CRACDL: variants seen among roughly 807,000 people sequenced by gnomAD.
CRACDL encodes the protein CRACD like.
In CRACDL, 26 loss-of-function variants were observed where a neutral mutation model predicts 70.6. The observed-to-expected ratio is 0.37, with a 90% CI of 0.27 to 0.51. The LOEUF (loss-of-function observed/expected upper bound fraction) is 0.51. CRACDL is among the 20% of genes least tolerant of loss of function. The pLI is 0.94. For missense variants in CRACDL, 1,283 were observed against 1,376.9 expected, an observed-to-expected ratio of 0.93 and a Z score of 1.08; for synonymous variants, 618 against 615.2, an observed-to-expected ratio of 1.00 and a Z score of -0.07.
chr2:98,805,018 A>AT (rs1224249275), intron 7 of CRACDL, among the ~76,000 whole-genome samples: 8 of 152,082 alleles, frequency 5.3e-5, no homozygotes, highest in African/African-American at 9.7e-5. Flanking sequence ...GACAGGAATG[A>AT]TTTTTTTGAA....
intron 7 of CRACDL, among the ~76,000 whole-genome samples, chr2:98,820,103 C>A (rs1412093768): frequency 6.6e-6 from 1 of 151,634 alleles, no homozygotes; most frequent in Non-Finnish European, 1.5e-5. Context: ...CAAGTGTGAG[C>A]CACCACGCCG....
chr2:98,910,589 T>A (rs956979652), intron 1 of CRACDL, among the ~76,000 whole-genome samples: 10 of 152,276 alleles, frequency 6.6e-5, no homozygotes, highest in African/African-American at 1.4e-4. Flanking sequence ...TCCCAGCCAC[T>A]GTTTTGAGGA....
At chr2:98,901,044 C>T (rs767723753) in intron 1 of CRACDL, among the ~76,000 whole-genome samples, 8 of 152,168 alleles carry the variant, frequency 5.3e-5, no homozygotes, top group Non-Finnish European at 1.0e-4. Context: ...ATGGGGTTGG[C>T]GCACAGGGTC....
intron 3 of CRACDL, among the ~76,000 whole-genome samples, chr2:98,834,033 T>C (rs1045192220): frequency 2.0e-5 from 3 of 152,194 alleles, no homozygotes; most frequent in Admixed American, 6.5e-5. Context: ...GATGTGTGTG[T>C]CCTCACATGC....
rs541092360 is a variant in CRACDL at position 98,921,440 on chromosome 2, C to G, written c.-11+14498G>C. 3.3e-5 allele frequency among the ~76,000 whole-genome samples: 5 copies of G among 152,338 alleles called. No individual in the cohort carries two copies. In the East Asian group the frequency reaches 9.6e-4, roughly 29 times the overall value. On this transcript the variant is annotated intron_variant, in intron 1 of 9. Coordinates refer to ENST00000397899, the MANE Select transcript of CRACDL (RefSeq NM_207362.3). Reference sequence around the variant, plus strand: ...AGTGCCCAGAGGCAGGCCTTGGGCTCGGAAGGCTCTTGACATGTATTATGG... The same window carrying G: ...AGTGCCCAGAGGCAGGCCTTGGGCTGGGAAGGCTCTTGACATGTATTATGG...
At chr2:98,858,793 A>C (rs1706816040) in intron 1 of CRACDL, among the ~76,000 whole-genome samples, 1 of 152,146 alleles carries the variant, frequency 6.6e-6, no homozygotes, top group Admixed American at 6.5e-5. Flanking sequence ...TAAAACCAAT[A>C]ATAAGAAGGC....
chr2:98,889,285 G>GAGAAAAAGAA (rs1707891268), intron 1 of CRACDL, among the ~76,000 whole-genome samples: 1 of 140,968 alleles, frequency 7.1e-6, no homozygotes, highest in East Asian at 2.2e-4. Context: ...GAAAAAGAGA[G>GAGAAAAAGAA]AGAAAGAAAG....
chr2:98,829,212 G>T (rs150982273), intron 5 of CRACDL, among the ~76,000 whole-genome samples: 1 of 152,226 alleles, frequency 6.6e-6, no homozygotes, highest in East Asian at 1.9e-4. Flanking sequence ...CCTGTGGGCC[G>T]CCCTGCGTCT....
At chr2:98,813,707 C>A (rs1156860345) in intron 7 of CRACDL, among the ~76,000 whole-genome samples, 1 of 152,042 alleles carries the variant, frequency 6.6e-6, no homozygotes. Flanking sequence ...GTCTTTAATT[C>A]CAGTATTACA....
intron 5 of CRACDL, among the ~76,000 whole-genome samples, chr2:98,827,498 G>A (rs993005280): frequency 6.6e-6 from 1 of 152,168 alleles, no homozygotes; most frequent in Non-Finnish European, 1.5e-5. Context: ...CACCATGTTG[G>A]CCAGGCTGGT....
intron 1 of CRACDL, among the ~76,000 whole-genome samples, chr2:98,887,062 A>C (rs1707816514): frequency 6.6e-6 from 1 of 152,248 alleles, no homozygotes; most frequent in Non-Finnish European, 1.5e-5. Flanking sequence ...GGAGTTGCAA[A>C]GTACAATTAC....
chr2:98,867,987 A>G lies in CRACDL; in HGVS notation c.-10-21177T>C, dbSNP rs1223124679. ...TTGTTTTGTTTTTTCAGTAGGAAAT[A>G]ATGCTCCGAAGCCTATTACCAAGAC... On this transcript the variant is annotated intron_variant, in intron 1 of 9. Coordinates refer to ENST00000397899, the MANE Select transcript of CRACDL (RefSeq NM_207362.3). Among the ~76,000 whole-genome samples, 4 of 152,200 alleles carry G rather than the reference A, an allele frequency of 2.6e-5. No homozygotes were observed. In the East Asian group the frequency reaches 5.8e-4, roughly 22 times the overall value.
At chr2:98,839,789 TG>T (rs1220520854) in intron 2 of CRACDL, among the ~76,000 whole-genome samples, 3 of 152,336 alleles carry the variant, frequency 2.0e-5, no homozygotes, top group Admixed American at 2.0e-4. Context: ...AATTTTCAAA[TG>T]TATTGGCAAA....
At chr2:98,866,803 T>C (rs1026449473) in intron 1 of CRACDL, among the ~76,000 whole-genome samples, 2 of 152,090 alleles carry the variant, frequency 1.3e-5, no homozygotes, top group African/African-American at 4.8e-5. Context: ...GAATCACTTC[T>C]TAATGATCAC....
intron 7 of CRACDL, among the ~76,000 whole-genome samples, chr2:98,814,500 TTTAA>T (rs1215923700): frequency 1.3e-5 from 2 of 152,216 alleles, no homozygotes; most frequent in African/African-American, 4.8e-5. Context: ...CAAACTCTTA[TTTAA>T]TTCATTAAGG....
At chr2:98,932,930 C>A (rs1466256936) in intron 1 of CRACDL, among the ~76,000 whole-genome samples, 3 of 152,200 alleles carry the variant, frequency 2.0e-5, no homozygotes, top group Non-Finnish European at 2.9e-5. Context: ...AGGCACTGAG[C>A]ACCTACCGCT....
At chr2:98,890,083 A>C (rs1215389534) in intron 1 of CRACDL, among the ~76,000 whole-genome samples, 1 of 152,196 alleles carries the variant, frequency 6.6e-6, no homozygotes, top group Non-Finnish European at 1.5e-5. Context: ...AATTACCTAA[A>C]CTTCCACTTT....
intron 1 of CRACDL, among the ~76,000 whole-genome samples, chr2:98,864,733 G>C (rs1216119877): frequency 6.6e-6 from 1 of 152,106 alleles, no homozygotes; most frequent in Non-Finnish European, 1.5e-5. Flanking sequence ...TTTTAGTAGA[G>C]ACGGGGTTTC....
chr2:98,842,377 A>T (rs1424066672), intron 2 of CRACDL, among the ~76,000 whole-genome samples: 1 of 151,934 alleles, frequency 6.6e-6, no homozygotes, highest in African/African-American at 2.4e-5. Flanking sequence ...TATTTAAAAT[A>T]AAATTTTAAT....
Sources: gnomAD v4.1 joint callset for allele counts (sites outside exome capture counted in the v4.1 genomes callset) on GRCh38, gnomAD v4.1.1 for gene constraint, MANE v1.5 for transcripts, NCBI Gene and HGNC (gene_info 2026-07-23, HGNC 2026-07-21) for gene names.